The following PEBP4 variants were observed in gnomAD, a reference collection of about 807,000 sequenced individuals.
PEBP4 encodes the protein phosphatidylethanolamine-binding protein 4.
PEBP4 carries 22 observed loss-of-function variants against 23.9 expected under a neutral mutation model. The observed-to-expected ratio is 0.92, with a 90% CI of 0.66 to 1.31. The LOEUF is 1.31. Among genes scored for constraint, PEBP4 ranks in the 40% most tolerant of loss-of-function variants. PEBP4 has a pLI of 0.00. For synonymous variants in PEBP4, 112 were observed against 99.3 expected, an observed-to-expected ratio of 1.13 and a Z score of -0.76; for missense variants, 324 against 281.7, an observed-to-expected ratio of 1.15 and a Z score of -1.07.
At chr8:22,843,647 C>T (rs1429058851) in intron 3 of PEBP4, among the ~76,000 whole-genome samples, 3 of 152,146 alleles carry the variant, frequency 2.0e-5, no homozygotes, top group African/African-American at 4.8e-5. Flanking sequence ...ATAAAATTAG[C>T]CTTATTGGGC....
chr8:22,726,070 G>A (rs967280096), intron 5 of PEBP4, among the ~76,000 whole-genome samples: 1 of 152,006 alleles, frequency 6.6e-6, no homozygotes, highest in African/African-American at 2.4e-5. Flanking sequence ...AGAGCTGGGT[G>A]TGCTGAGAGC....
intron 3 of PEBP4, among the ~76,000 whole-genome samples, chr8:22,861,968 C>G (rs553188081): frequency 2.0e-5 from 3 of 152,274 alleles, no homozygotes; most frequent in Non-Finnish European, 4.4e-5. Flanking sequence ...TTCTCTCTGT[C>G]CCCGCTAAGT....
intron 4 of PEBP4, among the ~76,000 whole-genome samples, chr8:22,782,346 C>T (rs1805941316): frequency 6.6e-6 from 1 of 152,128 alleles, no homozygotes; most frequent in Non-Finnish European, 1.5e-5. Context: ...ACGTGGGAAC[C>T]TCTCCCTCAT....
chr8:22,857,086 T>C (rs1300174851), intron 3 of PEBP4, among the ~76,000 whole-genome samples: 1 of 152,176 alleles, frequency 6.6e-6, no homozygotes, highest in Non-Finnish European at 1.5e-5. Flanking sequence ...AATTGGTAAG[T>C]ATAAAAATGT....
chr8:22,779,233 G>T (rs1351271888), intron 4 of PEBP4, among the ~76,000 whole-genome samples: 1 of 152,138 alleles, frequency 6.6e-6, no homozygotes. Flanking sequence ...GGGGTTCAAG[G>T]TGACCCATAT....
chr8:22,911,330 C>T (rs938165430), intron 3 of PEBP4, among the ~76,000 whole-genome samples: 1 of 152,006 alleles, frequency 6.6e-6, no homozygotes, highest in East Asian at 1.9e-4. Context: ...GACAACTGCC[C>T]CTGCCAGCCC....
chr8:22,811,457 A>C (rs901372393), intron 4 of PEBP4, among the ~76,000 whole-genome samples: 4 of 152,266 alleles, frequency 2.6e-5, no homozygotes, highest in Admixed American at 2.6e-4. Context: ...GAGCAAAAGC[A>C]TCTCTAGGGC....
At chr8:22,856,047 CAAAAAAAA>C (rs34409506) in intron 3 of PEBP4, among the ~76,000 whole-genome samples, 2 of 91,650 alleles carry the variant, frequency 2.2e-5, no homozygotes, top group South Asian at 4.2e-4. Flanking sequence ...GACCCTGTCT[CAAAAAAAA>C]AAAAAAAAAA....
chr8:22,830,164 CTTG>C (rs1807055793), intron 3 of PEBP4, among the ~76,000 whole-genome samples: 1 of 142,622 alleles, frequency 7.0e-6, no homozygotes. Context: ...GAGTCTTGCT[CTTG>C]TTGTCAGGCT....
upstream of PEBP4, among the ~76,000 whole-genome samples, chr8:22,929,604 CA>C (rs1168752567): frequency 7.2e-5 from 11 of 152,306 alleles, no homozygotes; most frequent in Admixed American, 2.0e-4. Context: ...GGAGACAGCA[CA>C]GTGACATTAG....
intron 4 of PEBP4, among the ~76,000 whole-genome samples, chr8:22,798,290 A>C (rs892834692): frequency 6.6e-6 from 1 of 152,154 alleles, no homozygotes; most frequent in Non-Finnish European, 1.5e-5. Context: ...GAGAGATAGT[A>C]AACAACTTGC....
intron 6 of PEBP4, among the ~76,000 whole-genome samples, chr8:22,721,069 C>T (rs1804507772): frequency 6.6e-6 from 1 of 152,142 alleles, no homozygotes; most frequent in African/African-American, 2.4e-5. Context: ...CTCTAAGCCC[C>T]TCCACGACCC....
chr8:22,755,458 C>T (rs571699762), intron 4 of PEBP4, among the ~76,000 whole-genome samples: 1 of 150,990 alleles, frequency 6.6e-6, no homozygotes, highest in East Asian at 2.0e-4. Flanking sequence ...GCCTCAGCCT[C>T]CTGAGTAGCT....
intron 3 of PEBP4, among the ~76,000 whole-genome samples, chr8:22,820,113 G>C (rs1246072965): frequency 6.6e-6 from 1 of 152,162 alleles, no homozygotes; most frequent in Non-Finnish European, 1.5e-5. Context: ...ATAATTGGAA[G>C]GTGAGATAGT....
upstream of PEBP4, among the ~76,000 whole-genome samples, chr8:22,929,510 C>G (rs139404108): frequency 1.9e-3 from 291 of 152,342 alleles, 1 homozygote; most frequent in Admixed American, 4.3e-3. Flanking sequence ...TTCTTCCTTA[C>G]TCCACGTGCC....
chr8:22,927,790 C>G, intron 1 of PEBP4, 33 bp downstream of exon 1: 1 of 1,582,884 alleles, frequency 6.3e-7, no homozygotes, highest in Non-Finnish European at 8.6e-7. Flanking sequence ...CCTGTGCCCC[C>G]GACCCCAGGG....
In PEBP4 at chr8:22,922,731, CA is replaced by C. The variant is rs144783533; in HGVS notation, c.132-2422del. ...ACAGAGCAAGACCCTATCTCAAAAA[CA>C]ACTTGCATTCAAGCCAGAAAACCTC... On this transcript the variant is annotated intron_variant, in intron 2 of 6. Transcript: ENST00000256404. 4.2e-3 allele frequency among the ~76,000 whole-genome samples: 640 copies of C among 152,050 alleles called. 3 individuals carry two copies. The highest frequency in any genetic ancestry group is 6.4e-3 in the Non-Finnish European group (432 of 67,954).
chr8:22,848,839 T>A (rs1291062542), intron 3 of PEBP4, among the ~76,000 whole-genome samples: 1 of 152,216 alleles, frequency 6.6e-6, no homozygotes, highest in Non-Finnish European at 1.5e-5. Flanking sequence ...CGGAATTGTT[T>A]CCCTTTGAAG....
intron 6 of PEBP4, among the ~76,000 whole-genome samples, chr8:22,723,659 T>G (rs1804564897): frequency 6.6e-6 from 1 of 152,246 alleles, no homozygotes; most frequent in Non-Finnish European, 1.5e-5. Context: ...TCCTTCTCTC[T>G]GCATCTAAAC....
Sources: gnomAD v4.1 joint callset for allele counts (sites outside exome capture counted in the v4.1 genomes callset) on GRCh38, gnomAD v4.1.1 for gene constraint, MANE v1.5 for transcripts, NCBI Gene and HGNC (gene_info 2026-07-23, HGNC 2026-07-21) for gene names.